USP26: variants seen among roughly 807,000 people sequenced by gnomAD.
The protein encoded by USP26 is ubiquitin carboxyl-terminal hydrolase 26.
For synonymous variants in USP26, 236 were observed against 240.6 expected, an observed-to-expected ratio of 0.98 and a Z score of 0.18; for missense variants, 649 against 642.3, an observed-to-expected ratio of 1.01 and a Z score of -0.11.
At chrX:133,029,741 A>G (rs1032450487) in intron 5 of USP26, among the ~76,000 whole-genome samples, 1 of 112,167 alleles carries the variant, frequency 8.9e-6, no homozygotes, top group African/African-American at 3.2e-5. Context: ...TTCTATTGGT[A>G]GATGAAATAA....
chrX:133,031,768 T>G (rs1368390746), intron 5 of USP26, among the ~76,000 whole-genome samples: 1 of 111,964 alleles, frequency 8.9e-6, no homozygotes, highest in Non-Finnish European at 1.9e-5. Context: ...CTCGAAAAAT[T>G]TTAATTCTAG....
chrX:133,069,647 CAG>C (rs2067524359), intron 5 of USP26, among the ~76,000 whole-genome samples: 1 of 111,314 alleles, frequency 9.0e-6, no homozygotes, highest in Admixed American at 9.6e-5. Flanking sequence ...AAAAAGAAAA[CAG>C]AGGAAAGAAA....
At chrX:133,037,273 G>C (rs2067399388) in intron 5 of USP26, among the ~76,000 whole-genome samples, 1 of 112,306 alleles carries the variant, frequency 8.9e-6, no homozygotes, top group African/African-American at 3.2e-5. Context: ...GAATGGTATT[G>C]CCTAGGTTTT....
intron 5 of USP26, among the ~76,000 whole-genome samples, chrX:133,076,788 C>A (rs895321453): frequency 4.5e-5 from 5 of 111,743 alleles, no homozygotes; most frequent in African/African-American, 1.6e-4. Context: ...AGCAGATCTT[C>A]CTCAAGGTGC....
At chrX:133,076,964 T>A (rs2067551127) in intron 5 of USP26, among the ~76,000 whole-genome samples, 1 of 112,410 alleles carries the variant, frequency 8.9e-6, no homozygotes, top group Non-Finnish European at 1.9e-5. Context: ...TAATTTCTTA[T>A]AAATCAATAT....
intron 5 of USP26, among the ~76,000 whole-genome samples, chrX:133,061,731 C>T (rs2067494687): frequency 8.9e-6 from 1 of 111,849 alleles, no homozygotes; most frequent in Non-Finnish European, 1.9e-5. Flanking sequence ...CCAAAGGAAG[C>T]CATGAGGGAC....
At chrX:133,035,391 A>G (rs1485233908) in intron 5 of USP26, among the ~76,000 whole-genome samples, 1 of 111,820 alleles carries the variant, frequency 8.9e-6, no homozygotes, top group Non-Finnish European at 1.9e-5. Flanking sequence ...TTAGCTGGAG[A>G]CCTCACCTTA....
chrX:133,034,461 T>C (rs2067389461), intron 5 of USP26, among the ~76,000 whole-genome samples: 2 of 111,762 alleles, frequency 1.8e-5, no homozygotes, highest in African/African-American at 6.5e-5. Flanking sequence ...GATGTACACC[T>C]CAATCTATCA....
At chrX:133,047,516 C>T (rs2067444838) in intron 5 of USP26, among the ~76,000 whole-genome samples, 1 of 112,290 alleles carries the variant, frequency 8.9e-6, no homozygotes, top group Non-Finnish European at 1.9e-5. Context: ...TTCCACAAGA[C>T]TCTTGCCCAG....
intron 5 of USP26, among the ~76,000 whole-genome samples, chrX:133,072,602 T>C (rs1239847871): frequency 8.9e-6 from 1 of 112,645 alleles, no homozygotes; most frequent in East Asian, 2.8e-4. Context: ...TGTGAACAAA[T>C]GAATAATGGC....
intron 1 of USP26, among the ~76,000 whole-genome samples, chrX:133,092,431 T>C (rs919145216): frequency 8.9e-6 from 1 of 112,093 alleles, no homozygotes; most frequent in African/African-American, 3.2e-5. Flanking sequence ...AAGTAATTAG[T>C]AACACAGTAA....
chrX:133,051,858 G>A (rs1655872341), intron 5 of USP26, among the ~76,000 whole-genome samples: 1 of 112,280 alleles, frequency 8.9e-6, no homozygotes, highest in South Asian at 3.7e-4. Flanking sequence ...ATATAGGGAA[G>A]AAGCCTTAAA....
At chrX:133,073,602 G>A (rs2067537388) in intron 5 of USP26, among the ~76,000 whole-genome samples, 1 of 110,776 alleles carries the variant, frequency 9.0e-6, no homozygotes, top group South Asian at 3.9e-4. Flanking sequence ...CTGCTGGACA[G>A]CTAAACCCCT....
At chrX:133,046,622 G>A (rs1379248165) in intron 5 of USP26, among the ~76,000 whole-genome samples, 1 of 110,741 alleles carries the variant, frequency 9.0e-6, no homozygotes. Context: ...TTTAAAAAGT[G>A]TGTGTGAGAC....
intron 5 of USP26, among the ~76,000 whole-genome samples, chrX:133,029,931 A>C (rs1421128048): frequency 1.8e-5 from 2 of 111,915 alleles, no homozygotes; most frequent in Non-Finnish European, 3.8e-5. Flanking sequence ...TGAGTGGTCT[A>C]ACCACTGCCT....
chrX:133,025,908 G>C lies in USP26; in HGVS notation c.2313C>G (p.Asn771Lys), dbSNP rs1261086983. ...PKPGTQGHTK[N>K]LLRPTKLNLQ... ...GATTTAATTTTGTAGGTCTTAGGAG[G>C]TTCTTTGTGTGCCCCTGGGTGCCTG... Residue 771 changes from asparagine to lysine, a missense_variant, in exon 6 of 6, where the codon AAC becomes AAG. Coordinates refer to ENST00000511190, the MANE Select transcript of USP26 (RefSeq NM_031907.3). 8 of 1,211,187 alleles carry C rather than the reference G, an allele frequency of 6.6e-6. No homozygotes were observed. The African/African-American group carries it at 6.9e-5, about 10-fold the overall frequency.
chrX:133,068,926 C>T (rs938700951), intron 5 of USP26, among the ~76,000 whole-genome samples: 8 of 112,267 alleles, frequency 7.1e-5, no homozygotes, highest in African/African-American at 2.6e-4. Context: ...TAATTATTAA[C>T]TCATATCAAT....
chrX:133,053,708 C>A (rs183062881), intron 5 of USP26, among the ~76,000 whole-genome samples: 6 of 111,429 alleles, frequency 5.4e-5, no homozygotes, highest in African/African-American at 1.6e-4. Flanking sequence ...TGCACGGCAA[C>A]GGGCCACAAA....
intron 5 of USP26, among the ~76,000 whole-genome samples, chrX:133,034,351 C>T (rs981753942): frequency 4.5e-5 from 5 of 111,005 alleles, no homozygotes; most frequent in Non-Finnish European, 7.5e-5. Flanking sequence ...TAAGGGCTGA[C>T]GGGTCAGGAA....
Sources: allele counts gnomAD v4.1 joint callset (sites outside exome capture counted in the v4.1 genomes callset), GRCh38; gene constraint gnomAD v4.1.1; transcripts MANE v1.5; gene names NCBI Gene and HGNC (gene_info 2026-07-23, HGNC 2026-07-21).